IFT88: variants seen among roughly 807,000 people sequenced by gnomAD.
The protein encoded by IFT88 is intraflagellar transport protein 88 homolog.
A neutral mutation model predicts 119.5 loss-of-function variants in IFT88; 74 were observed. The ratio of observed to expected loss-of-function variants is 0.62; its 90% confidence interval spans 0.51 to 0.75. The LOEUF is 0.75. Ranked by LOEUF, IFT88 falls within the 30% of genes least tolerant of loss-of-function variation. The probability of loss-of-function intolerance (pLI) is 0.00; values close to 1 mark genes in which losing one functional copy is unlikely to be tolerated. For synonymous variants in IFT88, 279 were observed against 316.7 expected (o/e 0.88, Z 1.26); for missense variants, 961 against 977.7 (o/e 0.98, Z 0.23).
At chr13:20,639,784 G>GTT (rs2049578590) in intron 17 of IFT88, among the ~76,000 whole-genome samples, 2 of 126,916 alleles carry the variant, frequency 1.6e-5, no homozygotes, top group African/African-American at 5.7e-5. Flanking sequence ...AGTAAAATTT[G>GTT]TCTTTTTTTT....
At chr13:20,690,677 A>G (rs2058387053) in intron 24 of IFT88, 28 bp from the exon 25 acceptor site, 1 of 1,378,630 alleles carries the variant, frequency 7.3e-7, no homozygotes, top group South Asian at 1.2e-5. Context: ...CATATTAAAC[A>G]AATGCATTTT....
intron 5 of IFT88, 151 bp from the exon 6 acceptor site, chr13:20,591,467 A>G: frequency 1.9e-6 from 1 of 518,978 alleles, no homozygotes; most frequent in Non-Finnish European, 3.4e-6. Context: ...CATGATTGAT[A>G]CATGAGGAGG....
At chr13:20,653,954 T>G in intron 21 of IFT88, 26 bp downstream of exon 21, 1 of 1,454,980 alleles carries the variant, frequency 6.9e-7, no homozygotes, top group Non-Finnish European at 9.4e-7. Flanking sequence ...TTATTCATTT[T>G]ATAGATATTT....
intron 1 of IFT88, among the ~76,000 whole-genome samples, chr13:20,567,487 G>C (rs2035095321): frequency 6.6e-6 from 1 of 152,250 alleles, no homozygotes; most frequent in African/African-American, 2.4e-5. Flanking sequence ...TCTCACATCG[G>C]TGTCCCCAGC....
intron 11 of IFT88, among the ~76,000 whole-genome samples, chr13:20,599,930 T>G (rs1439104900): frequency 6.6e-6 from 1 of 152,106 alleles, no homozygotes; most frequent in Non-Finnish European, 1.5e-5. Context: ...TGCTGTAGCT[T>G]GAGAATGAAA....
chr13:20,621,792 A>G (rs2046563368), intron 14 of IFT88, among the ~76,000 whole-genome samples: 1 of 152,094 alleles, frequency 6.6e-6, no homozygotes, highest in South Asian at 2.1e-4. Context: ...TTTGTGTTTT[A>G]ATTCTGGGGG....
intron 22 of IFT88, among the ~76,000 whole-genome samples, chr13:20,657,368 C>T (rs2053011302): frequency 6.6e-6 from 1 of 152,126 alleles, no homozygotes; most frequent in Admixed American, 6.5e-5. Flanking sequence ...GCCACATGTT[C>T]TCACTAAACT....
At chr13:20,594,603 ATTT>A (rs2041316898) in intron 7 of IFT88, among the ~76,000 whole-genome samples, 1 of 152,308 alleles carries the variant, frequency 6.6e-6, no homozygotes, top group Admixed American at 6.5e-5. Context: ...TCTCTTACAG[ATTT>A]TTAAGTTTAA....
chr13:20,651,722 C>G (rs1045505461), intron 20 of IFT88, among the ~76,000 whole-genome samples: 6 of 151,570 alleles, frequency 4.0e-5, no homozygotes, highest in African/African-American at 1.5e-4. Context: ...AACCTCTTAC[C>G]ATGCCTAAGG....
At chr13:20,604,747 G>T (rs1424952933) in intron 12 of IFT88, among the ~76,000 whole-genome samples, 1 of 152,142 alleles carries the variant, frequency 6.6e-6, no homozygotes, top group Non-Finnish European at 1.5e-5. Context: ...TTGAGCCAAG[G>T]AATTGAAGAC....
chr13:20,688,360 G>T (rs1219938213), intron 24 of IFT88, among the ~76,000 whole-genome samples: 4 of 152,160 alleles, frequency 2.6e-5, no homozygotes, highest in Admixed American at 1.3e-4. Flanking sequence ...AAGAAAAGAG[G>T]CCACCCTACA....
At chr13:20,595,126 T>C (rs1407526536) in intron 7 of IFT88, among the ~76,000 whole-genome samples, 1 of 152,140 alleles carries the variant, frequency 6.6e-6, no homozygotes, top group Non-Finnish European at 1.5e-5. Flanking sequence ...TGGCCAGGCA[T>C]GGTGGTGCAC....
intron 16 of IFT88, among the ~76,000 whole-genome samples, chr13:20,636,564 T>C (rs1594481737): frequency 6.6e-6 from 1 of 152,200 alleles, no homozygotes; most frequent in East Asian, 1.9e-4. Flanking sequence ...GCACTTCCTA[T>C]CCTCCATCCC....
chr13:20,639,946 G>T (rs186308881), intron 17 of IFT88, among the ~76,000 whole-genome samples: 2 of 151,320 alleles, frequency 1.3e-5, no homozygotes, highest in African/African-American at 2.4e-5. Context: ...GCTCCACTAC[G>T]CCCGTCTAAT....
At chr13:20,609,088 TTG>T (rs1330515926) in intron 13 of IFT88, among the ~76,000 whole-genome samples, 1 of 152,154 alleles carries the variant, frequency 6.6e-6, no homozygotes, top group Non-Finnish European at 1.5e-5. Context: ...TATTTTGTAG[TTG>T]TGTGTGTGTT....
intron 22 of IFT88, among the ~76,000 whole-genome samples, chr13:20,662,831 TACAGAAC>T (rs2054040408): frequency 6.6e-6 from 1 of 152,200 alleles, no homozygotes; most frequent in African/African-American, 2.4e-5. Flanking sequence ...GGAGACTGTA[TACAGAAC>T]AATACCATTT....
At chr13:20,619,691 T>G (rs989764268) in intron 14 of IFT88, among the ~76,000 whole-genome samples, 4 of 152,124 alleles carry the variant, frequency 2.6e-5, no homozygotes, top group African/African-American at 9.7e-5. Context: ...GGTACAGTTG[T>G]GCACATCTCT....
chr13:20,671,925 A>G (rs976026784), intron 24 of IFT88, among the ~76,000 whole-genome samples: 3 of 152,144 alleles, frequency 2.0e-5, no homozygotes, highest in Admixed American at 2.0e-4. Flanking sequence ...CAGGCCTTTC[A>G]TCCATTCACA....
chr13:20,650,170 C>T (rs2051388843), intron 20 of IFT88, among the ~76,000 whole-genome samples: 1 of 152,004 alleles, frequency 6.6e-6, no homozygotes, highest in Admixed American at 6.6e-5. Flanking sequence ...AACAAAGACA[C>T]TACAAGAAAA....
Sources: allele counts gnomAD v4.1 joint callset (sites outside exome capture counted in the v4.1 genomes callset), GRCh38; gene constraint gnomAD v4.1.1; transcripts MANE v1.5; gene names NCBI Gene and HGNC (gene_info 2026-07-23, HGNC 2026-07-21).